Variants in TMC2 observed in about 807,000 individuals in gnomAD.
TMC2 encodes the protein transmembrane channel-like protein 2.
TMC2 carries 102 observed loss-of-function variants against 105.9 expected under a neutral mutation model. The ratio of observed to expected loss-of-function variants is 0.96; its 90% CI spans 0.82 to 1.14. The LOEUF (loss-of-function observed/expected upper bound fraction) is 1.14. TMC2 is among the 50% of genes most tolerant of loss of function. The pLI is 0.00. For missense variants in TMC2, 1,093 were observed against 1,134.3 expected, an observed-to-expected ratio of 0.96 and a Z score of 0.52; for synonymous variants, 402 against 422.8, an observed-to-expected ratio of 0.95 and a Z score of 0.60.
intron 7 of TMC2, among the ~76,000 whole-genome samples, chr20:2,588,330 C>A (rs1809645391): frequency 6.6e-6 from 1 of 152,204 alleles, no homozygotes; most frequent in Non-Finnish European, 1.5e-5. Flanking sequence ...AATAAGTGAG[C>A]TTGGAAGAGG....
chr20:2,610,688 C>A, intron 12 of TMC2, 90 bp downstream of exon 12: 4 of 697,236 alleles, frequency 5.7e-6, no homozygotes, highest in Non-Finnish European at 7.7e-6. Context: ...ATATATAATT[C>A]ATATTAATTA....
chr20:2,622,009 A>G (rs1194955638), intron 16 of TMC2, among the ~76,000 whole-genome samples: 1 of 152,220 alleles, frequency 6.6e-6, no homozygotes, highest in Non-Finnish European at 1.5e-5. Context: ...TCATTTGTAC[A>G]TGGCGGGTAT....
intron 16 of TMC2, 184 bp downstream of exon 16, chr20:2,617,495 C>A: frequency 1.3e-6 from 1 of 771,478 alleles, no homozygotes. Flanking sequence ...CGTTCTGTGT[C>A]TGCGCTGTTC....
intron 15 of TMC2, 52 bp from the exon 16 acceptor site, chr20:2,617,020 C>G: frequency 6.2e-7 from 1 of 1,610,240 alleles, no homozygotes; most frequent in Non-Finnish European, 8.5e-7. Flanking sequence ...TCACCCTTCC[C>G]TCGCCTTCCC....
In TMC2 at chr20:2,558,140, C is replaced by T; in HGVS notation, c.83-316C>T. Reference sequence around the variant, plus strand: ...GGGAAGTAGCAAGGCCTGTTTGTTCCGATTCCTCTTGGCCTCTCTGTGTGA... The same window carrying T: ...GGGAAGTAGCAAGGCCTGTTTGTTCTGATTCCTCTTGGCCTCTCTGTGTGA... On this transcript the variant is annotated intron_variant, in intron 2 of 19. Transcript: ENST00000358864. The surrounding 1 kb of genome is among the most constrained non-coding windows in gnomAD (Gnocchi z 4.6). The T allele has an allele frequency of 5.3e-6, 2 of 373,906 alleles. No homozygotes were observed. Among genetic ancestry groups the T allele is most frequent in the Non-Finnish European group, 4.8e-6 (1 of 209,202 alleles). The allele number at this position is 373,906 out of a possible 1,614,324, so 23.2% of individuals were successfully genotyped here. A position where few individuals can be genotyped will look rare whatever the true frequency, so the allele number is the denominator to read the frequency against.
chr20:2,552,516 C>A (rs924231709), intron 2 of TMC2, among the ~76,000 whole-genome samples: 1 of 151,976 alleles, frequency 6.6e-6, no homozygotes, highest in Non-Finnish European at 1.5e-5. Context: ...ATATAAGTTT[C>A]ATTTATTTGT....
chr20:2,609,097 G>A (rs78157052), intron 11 of TMC2, among the ~76,000 whole-genome samples: 3,682 of 152,268 alleles, frequency 0.024, 151 homozygotes, highest in African/African-American at 0.081. Flanking sequence ...TCTGAGGACC[G>A]GAAAGTTTAA....
rs1314059365 is a variant in TMC2, at chr20:2,642,229, G to C, written c.*878G>C. On this transcript the variant is annotated 3_prime_UTR_variant, in exon 20 of 20. Coordinates refer to ENST00000358864, the MANE Select transcript of TMC2 (RefSeq NM_080751.3). Reference sequence around the variant, plus strand: ...TCTACAAATAGATAAATGAATCAAAGTAAATGAAAGTGAATGAAAATAAAG... The same window carrying C: ...TCTACAAATAGATAAATGAATCAAACTAAATGAAAGTGAATGAAAATAAAG... Among the ~76,000 whole-genome samples the C allele has an allele frequency of 6.6e-6, 1 of 152,150 alleles. No individual in the cohort carries two copies.
chr20:2,540,530 G>A (rs903665543), intron 2 of TMC2, among the ~76,000 whole-genome samples: 20 of 151,806 alleles, frequency 1.3e-4, no homozygotes, highest in Non-Finnish European at 1.9e-4. Context: ...GCTTGGTGGT[G>A]CATGCCTGTA....
chr20:2,558,219 G>A lies in TMC2; in HGVS notation c.83-237G>A, dbSNP rs1197556939. The A allele has an allele frequency of 1.0e-6, 1 of 968,572 alleles. No homozygotes were observed. Among genetic ancestry groups the A allele is most frequent in the Non-Finnish European group, 1.5e-6 (1 of 684,994 alleles). The allele number at this position is 968,572 out of a possible 1,614,324, so 60.0% of individuals were successfully genotyped here. ...CACCTGTCACAGGAGGTCTTCAAGG[G>A]AGACGGGAGGGAGAAGGCCAGAGAG... is the stretch of plus-strand genomic sequence containing the variant. On this transcript the variant is annotated intron_variant, in intron 2 of 19. Coordinates refer to ENST00000358864, the MANE Select transcript of TMC2 (RefSeq NM_080751.3). The surrounding 1 kb of genome is among the most constrained non-coding windows in gnomAD (Gnocchi z 4.6).
intron 2 of TMC2, among the ~76,000 whole-genome samples, chr20:2,553,953 C>A (rs553041036): frequency 6.6e-6 from 1 of 152,322 alleles, no homozygotes; most frequent in Admixed American, 6.5e-5. Flanking sequence ...GGCACCATCT[C>A]AGCTCACTGC....
intron 7 of TMC2, among the ~76,000 whole-genome samples, chr20:2,588,580 G>A (rs2086246510): frequency 6.6e-6 from 1 of 152,106 alleles, no homozygotes; most frequent in South Asian, 2.1e-4. Context: ...ACTGTCTTTT[G>A]TCACATTGGG....
At chr20:2,571,757 T>G (rs1458235701) in intron 4 of TMC2, among the ~76,000 whole-genome samples, 1 of 152,202 alleles carries the variant, frequency 6.6e-6, no homozygotes, top group Non-Finnish European at 1.5e-5. Context: ...TCCCAGCACT[T>G]TGGGAGGCCG....
intron 17 of TMC2, among the ~76,000 whole-genome samples, chr20:2,626,070 T>C (rs2086562283): frequency 1.3e-5 from 2 of 152,164 alleles, no homozygotes; most frequent in African/African-American, 4.8e-5. Context: ...TGAAAAATTA[T>C]AGAGGCTGTG....
At chr20:2,537,516 C>A (rs1207135475) in intron 2 of TMC2, among the ~76,000 whole-genome samples, 200 bp downstream of exon 2, 1 of 152,122 alleles carries the variant, frequency 6.6e-6, no homozygotes, top group African/African-American at 2.4e-5. Context: ...GCTGCTCAGC[C>A]CTCGGTGTCA....
At position 2,561,911 on chromosome 20, in the gene TMC2, A is replaced by C; in HGVS notation, c.455A>C (p.Glu152Ala). The change falls in exon 4 of 20, where the codon GAA becomes GCA. Residue 152 changes from glutamate (E) to alanine (A), a missense_variant. By Grantham distance (107) the Glu-to-Ala change is moderately radical. Transcript: ENST00000358864. ...GGTGGGGAGTCCCTGTCCGAGGAGG[A>C]ACTGGCCCAGATCCTGGAGCAGGTG... ...ASGGESLSEE[E>A]LAQILEQVEE... 6.2e-7 allele frequency: 1 copy of C among 1,614,236 alleles called. No individual in the cohort carries two copies. Among genetic ancestry groups the C allele is most frequent in the Non-Finnish European group, 8.5e-7 (1 of 1,180,034 alleles).
At position 2,602,093 on chromosome 20, in the gene TMC2, T is replaced by A. The variant is rs761210124; in HGVS notation, c.1225-20T>A. ...ATTTCTGGCCTGACATTTATGCACATCTCATTTTCACACATTAAGGAATCA... is the reference window on the plus strand; with the variant it reads ...ATTTCTGGCCTGACATTTATGCACAACTCATTTTCACACATTAAGGAATCA... On this transcript the variant is annotated intron_variant, in intron 10 of 19. Transcript: ENST00000358864. The A allele has an allele frequency of 1.3e-6, 2 of 1,582,602 alleles. No homozygotes were observed. The highest frequency in any genetic ancestry group is 1.7e-6 in the Non-Finnish European group (2 of 1,160,906).
intron 2 of TMC2, among the ~76,000 whole-genome samples, 199 bp downstream of exon 2, chr20:2,537,515 C>T (rs2085858114): frequency 6.6e-6 from 1 of 152,136 alleles, no homozygotes; most frequent in Non-Finnish European, 1.5e-5. Context: ...TGCTGCTCAG[C>T]CCTCGGTGTC....
intron 16 of TMC2, among the ~76,000 whole-genome samples, chr20:2,620,144 T>C (rs2086514714): frequency 6.6e-6 from 1 of 152,144 alleles, no homozygotes; most frequent in Non-Finnish European, 1.5e-5. Context: ...CTGAAGAGAT[T>C]CCCAAGCAAA....
Sources: gnomAD v4.1 joint callset for allele counts (sites outside exome capture counted in the v4.1 genomes callset) on GRCh38, gnomAD v4.1.1 for gene constraint, Gnocchi (gnomAD v3.1) non-coding constraint, MANE v1.5 for transcripts, NCBI Gene and HGNC (gene_info 2026-07-23, HGNC 2026-07-21) for gene names.